Variants in ZC3H18 observed in about 807,000 individuals in gnomAD.
ZC3H18 encodes zinc finger CCCH domain-containing protein 18.
Under a neutral mutation model 106.1 loss-of-function variants are expected in ZC3H18, and 8 were observed. The ratio of observed to expected loss-of-function variants is 0.08; its 90% confidence interval spans 0.04 to 0.14. The LOEUF (loss-of-function observed/expected upper bound fraction) is 0.14, where lower values mean the gene tolerates loss of function less well. Ranked by LOEUF, ZC3H18 falls within the 10% of genes least tolerant of loss-of-function variation. The probability of loss-of-function intolerance (pLI) is 1.00; values close to 1 mark genes in which losing one functional copy is unlikely to be tolerated. For synonymous variants in ZC3H18, 635 were observed against 522.1 expected (o/e 1.22, Z -2.95); for missense variants, 1,318 against 1,278.4 (o/e 1.03, Z -0.47).
At chr16:88,604,578 C>T (rs1352193449) in intron 6 of ZC3H18, among the ~76,000 whole-genome samples, 3 of 151,074 alleles carry the variant, frequency 2.0e-5, no homozygotes, top group Non-Finnish European at 4.4e-5. Context: ...CCCAGCTACT[C>T]GGGAGGCTGA....
chr16:88,576,988 TG>T, intron 1 of ZC3H18, 121 bp from the exon 2 acceptor site: 1 of 954,492 alleles, frequency 1.0e-6, no homozygotes, highest in Non-Finnish European at 1.5e-6. Context: ...GTGTGGGATT[TG>T]GGGCAGGGCC....
At chr16:88,630,430 C>A in intron 16 of ZC3H18, 55 bp from the exon 17 acceptor site, 1 of 1,482,190 alleles carries the variant, frequency 6.7e-7, no homozygotes, top group Non-Finnish European at 9.3e-7. Flanking sequence ...AGGCCACCCA[C>A]ACAGCCATTC....
chr16:88,587,568 C>G lies in ZC3H18; in HGVS notation c.688+884C>G, dbSNP rs1350108367. The G allele has an allele frequency of 4.6e-6, 7 of 1,536,028 alleles. No individual in the cohort carries two copies. The Admixed American group carries it at 1.2e-4, about 26-fold the overall frequency. On this transcript the variant is annotated intron_variant, in intron 3 of 17. Transcript: ENST00000301011. ...TGTTGTGACACCATTATCCACTCTT[C>G]TTCCACCAATATCCAATTCCATACC...
chr16:88,599,656 C>T, intron 5 of ZC3H18, 135 bp from the exon 6 acceptor site: 1 of 1,066,066 alleles, frequency 9.4e-7, no homozygotes, highest in South Asian at 1.6e-5. Flanking sequence ...GCCCCTCACC[C>T]CTTGAGCACT....
chr16:88,589,879 G>A (rs1359071956), intron 3 of ZC3H18, among the ~76,000 whole-genome samples: 2 of 152,218 alleles, frequency 1.3e-5, no homozygotes, highest in East Asian at 3.8e-4. Flanking sequence ...AGCTAGTGGT[G>A]ATGCTTACAC....
Position 88,625,261 on chromosome 16 carries a change from G to T in ZC3H18, c.2102G>T (p.Arg701Leu). The T allele has an allele frequency of 6.3e-7, 1 of 1,589,264 alleles. No homozygotes were observed. Residue 701 changes from arginine (R) to leucine (L), a missense_variant, in exon 13 of 18, where the codon CGA becomes CTA. Physicochemically the swap from Arg to Leu is moderately radical, Grantham distance 102 (BLOSUM62 -2). Transcript: ENST00000301011. Reference sequence around the variant, plus strand: ...AGCAGCTATAGTGGTTCCAGCTCCCGATCCAGGTCATCCCCATCACCCTGT... The same window carrying T: ...AGCAGCTATAGTGGTTCCAGCTCCCTATCCAGGTCATCCCCATCACCCTGT... Reference protein sequence around the residue: ...SGSSYSGSSSRSRSLSVSSVS... With the variant: ...SGSSYSGSSSLSRSLSVSSVS...
intron 6 of ZC3H18, among the ~76,000 whole-genome samples, chr16:88,601,319 G>A (rs995213575): frequency 2.6e-5 from 4 of 152,220 alleles, no homozygotes; most frequent in African/African-American, 9.6e-5. Context: ...AGGCCTTTGT[G>A]TTTTTTTGTT....
intron 10 of ZC3H18, 146 bp downstream of exon 10, chr16:88,623,490 G>A: frequency 9.1e-7 from 1 of 1,098,282 alleles, no homozygotes; most frequent in Non-Finnish European, 1.3e-6. Flanking sequence ...AGGGGGTCGT[G>A]TCCTGTGTCC....
intron 3 of ZC3H18, among the ~76,000 whole-genome samples, chr16:88,594,309 T>G (rs1265340579): frequency 2.0e-5 from 3 of 152,254 alleles, no homozygotes; most frequent in African/African-American, 7.2e-5. Context: ...ATGAGATATC[T>G]TTAAGTGTCT....
chr16:88,610,027 G>T (rs149767146), intron 7 of ZC3H18, among the ~76,000 whole-genome samples: 1 of 151,942 alleles, frequency 6.6e-6, no homozygotes, highest in Non-Finnish European at 1.5e-5. Context: ...AGGATGTGGC[G>T]CCTGTTCTGG....
intron 12 of ZC3H18, 130 bp from the exon 13 acceptor site, chr16:88,625,072 C>G: frequency 9.0e-7 from 1 of 1,106,880 alleles, no homozygotes; most frequent in Non-Finnish European, 1.3e-6. Flanking sequence ...AAGACAGGCC[C>G]AGGCCCTGTT....
chr16:88,610,652 C>T (rs1156859409), intron 7 of ZC3H18, among the ~76,000 whole-genome samples: 2 of 152,200 alleles, frequency 1.3e-5, no homozygotes, highest in African/African-American at 4.8e-5. Context: ...TCAGTTTTAA[C>T]CTTGAATATT....
chr16:88,601,116 T>G (rs1472876053), intron 6 of ZC3H18, among the ~76,000 whole-genome samples: 3 of 152,240 alleles, frequency 2.0e-5, no homozygotes, highest in East Asian at 3.8e-4. Flanking sequence ...CCTGCGGAAG[T>G]TGGGGGAGGA....
Position 88,629,812 on chromosome 16 carries a change from G to C in ZC3H18, c.2567-673G>C, listed in dbSNP as rs151060265. 3.0e-3 allele frequency among the ~76,000 whole-genome samples: 456 copies of C among 152,320 alleles called. 1 individual carries two copies. The highest frequency in any genetic ancestry group is 0.01 in the African/African-American group (435 of 41,568). On this transcript the variant is annotated intron_variant, in intron 16 of 17. Coordinates refer to ENST00000301011, the MANE Select transcript of ZC3H18 (RefSeq NM_144604.4). ...GAGCTCAAACCAGATAGAGGACAAG[G>C]GGGCCTGGCCACCCGCACAGACACT...
chr16:88,627,341 G>A lies in ZC3H18; in HGVS notation c.2109-281G>A. The A allele has an allele frequency of 3.0e-6, 1 of 337,870 alleles. No individual in the cohort carries two copies. The highest frequency in any genetic ancestry group is 4.4e-5 in the Admixed American group (1 of 22,854). 20.9% of individuals were successfully genotyped at this position (337,870 alleles called of 1,614,324 possible). On this transcript the variant is annotated intron_variant, in intron 13 of 17. Coordinates refer to ENST00000301011, the MANE Select transcript of ZC3H18 (RefSeq NM_144604.4). The surrounding 1 kb of genome is among the most constrained non-coding windows in gnomAD (Gnocchi z 4.5). Reference sequence around the variant, plus strand: ...TCTCAGACCCCATTGCTCGTGACGAGATCTGCCCATCTCAGTCTCCCAGAG... The same window carrying A: ...TCTCAGACCCCATTGCTCGTGACGAAATCTGCCCATCTCAGTCTCCCAGAG...
rs567800018 is a variant in ZC3H18, at chr16:88,591,222, G to A, written c.688+4538G>A. On this transcript the variant is annotated intron_variant, in intron 3 of 17. Coordinates refer to ENST00000301011, the MANE Select transcript of ZC3H18 (RefSeq NM_144604.4). ...CCTGACCTCGTGATCTGCCCTCCTC[G>A]GCCTCCCAAAGTGCTGGGATTACAG... 2.0e-4 allele frequency among the ~76,000 whole-genome samples: 30 copies of A among 150,644 alleles called. No homozygotes were observed. The South Asian group carries it at 5.7e-3, about 29-fold the overall frequency.
intron 5 of ZC3H18, among the ~76,000 whole-genome samples, 199 bp downstream of exon 5, chr16:88,598,911 G>A (rs1168370763): frequency 1.3e-5 from 2 of 152,124 alleles, no homozygotes; most frequent in Non-Finnish European, 2.9e-5. Context: ...CCAGGCTGGA[G>A]TGCAATGGCC....
rs556694972 is a variant in ZC3H18 at position 88,627,381 on chromosome 16, G to C, written c.2109-241G>C. On this transcript the variant is annotated intron_variant, in intron 13 of 17. Coordinates refer to ENST00000301011, the MANE Select transcript of ZC3H18 (RefSeq NM_144604.4). This position sits in a 1 kb window ranked among gnomAD's most constrained non-coding sequence, Gnocchi z 4.5. ...GTCTCCCAGAGTGCTGGGATTACAGGCGTGAGCAGCCGTGCCTGGCTGCAA... is the reference window on the plus strand; with the variant it reads ...GTCTCCCAGAGTGCTGGGATTACAGCCGTGAGCAGCCGTGCCTGGCTGCAA... The C allele has an allele frequency of 2.4e-5, 11 of 460,112 alleles. No individual in the cohort carries two copies. Among genetic ancestry groups the C allele is most frequent in the African/African-American group, 2.1e-4 (11 of 51,728 alleles). The allele number at this position is 460,112 out of a possible 1,614,324, so 28.5% of individuals were successfully genotyped here.
At chr16:88,598,499 G>T in intron 4 of ZC3H18, 121 bp from the exon 5 acceptor site, 1 of 1,442,002 alleles carries the variant, frequency 6.9e-7, no homozygotes, top group South Asian at 1.2e-5. Flanking sequence ...AGTGAGGCTT[G>T]GTGGAAGGAG....
Sources: allele counts gnomAD v4.1 joint callset (sites outside exome capture counted in the v4.1 genomes callset), GRCh38; gene constraint gnomAD v4.1.1; non-coding constraint Gnocchi (gnomAD v3.1); transcripts MANE v1.5; gene names NCBI Gene and HGNC (gene_info 2026-07-23, HGNC 2026-07-21).